The following TTK variants were observed in gnomAD, a reference collection of about 807,000 sequenced individuals.
The protein encoded by TTK is dual specificity protein kinase TTK.
A neutral mutation model predicts 117.3 loss-of-function variants in TTK; 59 were observed. The ratio of observed to expected loss-of-function variants is 0.50; its 90% CI spans 0.41 to 0.62. The LOEUF (loss-of-function observed/expected upper bound fraction) is 0.62, where lower values mean the gene tolerates loss of function less well. Among genes scored for constraint, TTK ranks in the 20% least tolerant of loss-of-function variants. The pLI is 0.00. For synonymous variants in TTK, 302 were observed against 325.0 expected (o/e 0.93, Z 0.76); for missense variants, 921 against 989.4 (o/e 0.93, Z 0.93).
chr6:80,036,153 A>G (rs1047735305), intron 16 of TTK, among the ~76,000 whole-genome samples: 1 of 152,040 alleles, frequency 6.6e-6, no homozygotes, highest in Admixed American at 6.6e-5. Context: ...CTTCAATTCT[A>G]ACTGTCACTT....
chr6:80,037,464 AC>A (rs2127683574), intron 17 of TTK: 1 of 152,762 alleles, frequency 6.5e-6, no homozygotes, highest in East Asian at 1.9e-4. Flanking sequence ...TCAGAGGACT[AC>A]TGTGAGACAA....
intron 14 of TTK, 97 bp downstream of exon 14, chr6:80,031,656 T>C: frequency 1.1e-6 from 1 of 881,994 alleles, no homozygotes; most frequent in Non-Finnish European, 1.6e-6. Context: ...CCTTTACTTC[T>C]AGGGGCGATG....
intron 18 of TTK, among the ~76,000 whole-genome samples, chr6:80,039,009 C>T (rs988694907): frequency 3.3e-5 from 5 of 152,038 alleles, no homozygotes; most frequent in African/African-American, 9.7e-5. Flanking sequence ...AAAACAGACA[C>T]ATAGCATTAC....
chr6:80,027,859 A>C (rs1392266488), intron 12 of TTK, 26 bp from the exon 13 acceptor site: 2 of 1,439,080 alleles, frequency 1.4e-6, no homozygotes, highest in African/African-American at 2.9e-5. Context: ...TAATGTTTTA[A>C]ATAAAAATAT....
At chr6:80,021,624 T>G (rs1767460870) in intron 10 of TTK, among the ~76,000 whole-genome samples, 1 of 152,062 alleles carries the variant, frequency 6.6e-6, no homozygotes, top group Non-Finnish European at 1.5e-5. Context: ...AAGGAAAAGG[T>G]GTGGAAGAGA....
Position 80,040,672 on chromosome 6 carries a change from A to C in TTK, c.2459A>C (p.Asn820Thr). 1 of 1,611,934 alleles carries C rather than the reference A, an allele frequency of 6.2e-7. No homozygotes were observed. Among genetic ancestry groups the C allele is most frequent in the Non-Finnish European group, 8.5e-7 (1 of 1,178,544 alleles). The change falls in exon 21 of 22, where the codon AAT (asparagine) becomes ACT (threonine). Residue 820 changes from asparagine to threonine, a missense_variant. Physicochemically the swap from Asn to Thr is moderately conservative, Grantham distance 65 (BLOSUM62 0). Transcript: ENST00000369798. ...GTTCTGGGCCAACTTGTTGGTCTGAATTCTCCTAACTCCATTTTGAAAGCT... is the reference window on the plus strand; with the variant it reads ...GTTCTGGGCCAACTTGTTGGTCTGACTTCTCCTAACTCCATTTTGAAAGCT... ...KYVLGQLVGL[N>T]SPNSILKAAK...
rs774771060 is a variant in TTK, at chr6:80,008,371, A to G, written c.363-15A>G. 15 of 1,596,334 alleles carry G rather than the reference A, an allele frequency of 9.4e-6. No individual in the cohort carries two copies. Among genetic ancestry groups the G allele is most frequent in the East Asian group, 2.2e-5 (1 of 44,452 alleles). On this transcript the variant is annotated splice_polypyrimidine_tract_variant and intron_variant, in intron 3 of 21. Transcript: ENST00000369798. ...GTTCTTTTTCTTAAATTTTGACTCA[A>G]ATCTTTTATTACAGTATTCAAGAGC...
At chr6:80,035,464 T>A (rs748220663) in intron 16 of TTK, 47 bp downstream of exon 16, 3 of 1,528,282 alleles carry the variant, frequency 2.0e-6, no homozygotes, top group Non-Finnish European at 2.6e-6. Flanking sequence ...TCTTTGTTAA[T>A]AGTGTCATCT....
intron 9 of TTK, among the ~76,000 whole-genome samples, chr6:80,014,114 C>G (rs980319999): frequency 5.9e-5 from 9 of 152,098 alleles, no homozygotes; most frequent in African/African-American, 2.2e-4. Context: ...GATAAAATAG[C>G]CATCACAGTA....
chr6:80,010,749 T>C, intron 4 of TTK, 65 bp from the exon 5 acceptor site: 1 of 1,460,826 alleles, frequency 6.8e-7, no homozygotes, highest in Non-Finnish European at 9.1e-7. Flanking sequence ...TGAATACGTA[T>C]CTGGGTGGTC....
chr6:80,036,274 A>G (rs1767903058), intron 16 of TTK, among the ~76,000 whole-genome samples: 1 of 152,166 alleles, frequency 6.6e-6, no homozygotes. Flanking sequence ...TAAATGATGC[A>G]GTACTGTATA....
At position 80,042,463 on chromosome 6, in the gene TTK, G is replaced by A; in HGVS notation, c.*261G>A. ...CATTTTACTCTTGGAATAGTGGGTGGATAGCAAGTATATTCTAAAAAACTT... is the reference window on the plus strand; with the variant it reads ...CATTTTACTCTTGGAATAGTGGGTGAATAGCAAGTATATTCTAAAAAACTT... On this transcript the variant is annotated 3_prime_UTR_variant, in exon 22 of 22. Coordinates refer to ENST00000369798, the MANE Select transcript of TTK (RefSeq NM_003318.5). The A allele has an allele frequency of 4.2e-6, 1 of 238,758 alleles. No individual in the cohort carries two copies. Among genetic ancestry groups the A allele is most frequent in the Non-Finnish European group, 8.1e-6 (1 of 123,738 alleles). The allele number at this position is 238,758 out of a possible 1,614,324, so 14.8% of individuals were successfully genotyped here. A position where few individuals can be genotyped will look rare whatever the true frequency, so the allele number is the denominator to read the frequency against.
intron 5 of TTK, 85 bp downstream of exon 5, chr6:80,011,042 A>G: frequency 7.1e-7 from 1 of 1,402,948 alleles, no homozygotes; most frequent in Non-Finnish European, 9.5e-7. Context: ...GAAAAATATT[A>G]TTTATGTAGA....
intron 5 of TTK, 88 bp downstream of exon 5, chr6:80,011,045 TA>T: frequency 7.3e-7 from 1 of 1,376,482 alleles, no homozygotes; most frequent in Non-Finnish European, 9.7e-7. Context: ...AAATATTATT[TA>T]TGTAGAATGG....
intron 3 of TTK, 139 bp from the exon 4 acceptor site, chr6:80,008,247 T>A (rs1294280961): frequency 6.8e-6 from 7 of 1,026,066 alleles, no homozygotes; most frequent in Admixed American, 3.2e-5. Flanking sequence ...AAGATTTTTT[T>A]AAAATAACTT....
chr6:80,026,667 A>C (rs1767617278), intron 12 of TTK, among the ~76,000 whole-genome samples, 153 bp downstream of exon 12: 1 of 152,198 alleles, frequency 6.6e-6, no homozygotes, highest in African/African-American at 2.4e-5. Context: ...GTTTTCATCT[A>C]TAAAATGGAA....
Position 80,011,464 on chromosome 6 carries a change from T to C in TTK, c.644T>C (p.Phe215Ser), listed in dbSNP as rs1212716656. ...ACGGTATTAACTGCCCAAGAATCAT[T>C]TTCCGGTTCACTTGGGCATTTACAG... ...ASTVLTAQESFSGSLGHLQNR... is the reference protein window; with the variant it reads ...ASTVLTAQESSSGSLGHLQNR... The change falls in exon 6 of 22, where the codon TTT (phenylalanine) becomes TCT (serine). Residue 215 changes from phenylalanine (F) to serine (S), a missense_variant. Transcript: ENST00000369798. The C allele has an allele frequency of 3.1e-6, 5 of 1,605,432 alleles. No homozygotes were observed. Among genetic ancestry groups the C allele is most frequent in the Non-Finnish European group, 4.2e-6 (5 of 1,177,262 alleles).
intron 20 of TTK, 65 bp from the exon 21 acceptor site, chr6:80,040,539 AAT>A (rs1162137112): frequency 7.2e-7 from 1 of 1,387,590 alleles, no homozygotes; most frequent in Non-Finnish European, 1.0e-6. Context: ...TATTAAACAA[AAT>A]GTGTATTTAC....
chr6:80,035,488 C>A, intron 16 of TTK, 71 bp downstream of exon 16: 2 of 1,427,886 alleles, frequency 1.4e-6, no homozygotes, highest in South Asian at 1.5e-5. Flanking sequence ...AGAAATATAC[C>A]TATAATTTTA....
Sources: allele counts gnomAD v4.1 joint callset (sites outside exome capture counted in the v4.1 genomes callset), GRCh38; gene constraint gnomAD v4.1.1; transcripts MANE v1.5; gene names NCBI Gene and HGNC (gene_info 2026-07-23, HGNC 2026-07-21).